DIP2C: variants seen among roughly 807,000 people sequenced by gnomAD.
The protein encoded by DIP2C is disco-interacting protein 2 homolog C.
A neutral mutation model predicts 192.4 loss-of-function variants in DIP2C; 33 were observed. The ratio of observed to expected loss-of-function variants is 0.17; its 90% CI spans 0.13 to 0.23. The LOEUF is 0.23. Among genes scored for constraint, DIP2C ranks in the 10% least tolerant of loss-of-function variants. DIP2C has a pLI of 1.00. For missense variants in DIP2C, 1,537 were observed against 2,110.1 expected, an observed-to-expected ratio of 0.73 and a Z score of 5.32; for synonymous variants, 979 against 864.1, an observed-to-expected ratio of 1.13 and a Z score of -2.33.
chr10:440,410 T>C (rs1967634798), intron 4 of DIP2C, among the ~76,000 whole-genome samples: 1 of 152,214 alleles, frequency 6.6e-6, no homozygotes, highest in Non-Finnish European at 1.5e-5. Context: ...ATCTGGCAAC[T>C]TGCAGGCAAA....
chr10:393,202 C>G (rs1396594773), intron 10 of DIP2C, among the ~76,000 whole-genome samples: 1 of 152,230 alleles, frequency 6.6e-6, no homozygotes, highest in African/African-American at 2.4e-5. Flanking sequence ...AAACTAGGTT[C>G]TCATCAGGGT....
intron 1 of DIP2C, among the ~76,000 whole-genome samples, chr10:506,689 C>T (rs1465970519): frequency 6.6e-6 from 1 of 152,252 alleles, no homozygotes; most frequent in African/African-American, 2.4e-5. Flanking sequence ...TCCCCCAACA[C>T]ACAGTGGCCT....
In DIP2C at chr10:417,823, C is replaced by T. The variant is rs1238570333; in HGVS notation, c.739+1242G>A. 4.1e-3 allele frequency among the ~76,000 whole-genome samples: 145 copies of T among 35,364 alleles called. 19 individuals are homozygous for T. Among genetic ancestry groups the T allele is most frequent in the Admixed American group, 7.1e-3 (24 of 3,398 alleles). The allele number at this position is 35,364 out of a possible 152,430, so 23.2% of individuals were successfully genotyped here. A position where few individuals can be genotyped will look rare whatever the true frequency, so the allele number is the denominator to read the frequency against. ...CTGTCCACCTGTTCCTGTCAGGGCG[C>T]GGACAGGCCTCCCTGTCCACCTGCA... On this transcript the variant is annotated intron_variant, in intron 6 of 36. Coordinates refer to ENST00000280886, the MANE Select transcript of DIP2C (RefSeq NM_014974.3).
At chr10:498,792 C>A (rs1278143842) in intron 1 of DIP2C, among the ~76,000 whole-genome samples, 1 of 152,178 alleles carries the variant, frequency 6.6e-6, no homozygotes. Flanking sequence ...CCCAGTAACA[C>A]CCCAGGCCTG....
intron 7 of DIP2C, among the ~76,000 whole-genome samples, chr10:414,757 A>ATATATAT (rs60489200): frequency 1.6e-3 from 111 of 69,554 alleles, no homozygotes; most frequent in Non-Finnish European, 2.7e-3. Flanking sequence ...ATATATATAT[A>ATATATAT]ATGTGTATAT....
chr10:575,616 A>T (rs576313772), intron 1 of DIP2C, among the ~76,000 whole-genome samples: 1 of 152,338 alleles, frequency 6.6e-6, no homozygotes, highest in East Asian at 1.9e-4. Flanking sequence ...AAACCCAGAA[A>T]AGAACACAAG....
At chr10:293,272 C>G (rs1955582071) in intron 32 of DIP2C, among the ~76,000 whole-genome samples, 1 of 152,236 alleles carries the variant, frequency 6.6e-6, no homozygotes, top group Middle Eastern at 3.2e-3. Context: ...GCAGACGGAG[C>G]TGGTGCTGTC....
chr10:543,547 C>T (rs1305516268), intron 1 of DIP2C, among the ~76,000 whole-genome samples: 1 of 152,148 alleles, frequency 6.6e-6, no homozygotes, highest in Non-Finnish European at 1.5e-5. Context: ...ACGGTTGTTA[C>T]GTGAGATAGA....
chr10:383,218 C>T (rs1468272686), intron 16 of DIP2C, among the ~76,000 whole-genome samples: 1 of 152,186 alleles, frequency 6.6e-6, no homozygotes, highest in African/African-American at 2.4e-5. Context: ...TGGGTTAAAA[C>T]CAATTGTTCA....
intron 10 of DIP2C, among the ~76,000 whole-genome samples, chr10:392,867 ACACT>A (rs1426420952): frequency 1.4e-5 from 2 of 143,982 alleles, no homozygotes; most frequent in African/African-American, 2.6e-5. Context: ...CAATACACAG[ACACT>A]CAACACTCAC....
chr10:618,105 T>C (rs779098146), intron 1 of DIP2C, among the ~76,000 whole-genome samples: 4 of 152,240 alleles, frequency 2.6e-5, no homozygotes, highest in Admixed American at 2.6e-4. Flanking sequence ...GCACATAAAA[T>C]GCTAAAAACC....
intron 3 of DIP2C, among the ~76,000 whole-genome samples, chr10:470,137 T>C (rs79368387): frequency 0.011 from 1,604 of 151,774 alleles, 30 homozygotes; most frequent in African/African-American, 0.037. Flanking sequence ...TGCAGAGAGG[T>C]TGATAAATGG....
In DIP2C at chr10:327,060, C is replaced by T. The variant is rs145913110; in HGVS notation, c.3870G>A (p.Pro1290=). Residue 1290 remains proline (P), a synonymous_variant, in exon 31 of 37, where the codon CCG becomes CCA. Coordinates refer to ENST00000280886, the MANE Select transcript of DIP2C (RefSeq NM_014974.3). ...SKLFKDLGLH[P]RAVSTSFGCR... The stretch of plus-strand genomic sequence containing the variant: ...AACCGAACGAGGTGCTGACGGCCCG[C>T]GGGTGAAGGCCCAGGTCCTTAAACA... The T allele has an allele frequency of 2.9e-4, 461 of 1,614,166 alleles. No homozygotes were observed. Among genetic ancestry groups the T allele is most frequent in the Non-Finnish European group, 3.5e-4 (410 of 1,180,044 alleles).
At chr10:485,015 G>C in intron 2 of DIP2C, 1 of 1,499,084 alleles carries the variant, frequency 6.7e-7, no homozygotes, top group South Asian at 1.3e-5. Flanking sequence ...TTACAGCGCT[G>C]AGCAGAGCTG....
chr10:383,662 T>TA lies in DIP2C; in HGVS notation c.1876+364dup, dbSNP rs563405602. Among the ~76,000 whole-genome samples, 312 of 152,278 alleles carry TA rather than the reference T, an allele frequency of 2.0e-3. 1 individual carries two copies. Among genetic ancestry groups the TA allele is most frequent in the Middle Eastern group, 0.014 (4 of 294 alleles). On this transcript the variant is annotated intron_variant, in intron 16 of 36. Coordinates refer to ENST00000280886, the MANE Select transcript of DIP2C (RefSeq NM_014974.3). ...ATTTCCTTATTACCTGCTTAGGGCT[T>TA]ACTTCACTTCATCCTCATGAAAATT...
chr10:381,760 T>G (rs887095844), intron 17 of DIP2C, among the ~76,000 whole-genome samples: 3 of 152,180 alleles, frequency 2.0e-5, no homozygotes, highest in Non-Finnish European at 4.4e-5. Context: ...GCAGGTCTCC[T>G]GCACTCACTC....
At chr10:571,744 G>A (rs964496153) in intron 1 of DIP2C, among the ~76,000 whole-genome samples, 2 of 152,172 alleles carry the variant, frequency 1.3e-5, no homozygotes, top group East Asian at 1.9e-4. Context: ...GTGTCCTCAC[G>A]GCGCTGGTGC....
At chr10:613,131 C>T (rs933601278) in intron 1 of DIP2C, among the ~76,000 whole-genome samples, 1 of 152,158 alleles carries the variant, frequency 6.6e-6, no homozygotes, top group African/African-American at 2.4e-5. Flanking sequence ...CTGCAAAAAA[C>T]AGTCACTCAT....
chr10:283,415 C>G lies in DIP2C; in HGVS notation c.4151G>C (p.Gly1384Ala). ...IWVHSAHNAS[G>A]YFTIYGDESL... ...TTCGTCTCCGTAAATAGTGAAATAACCGCTGGCATTGTGGGCACTGTGAAC... is the reference window on the plus strand; with the variant it reads ...TTCGTCTCCGTAAATAGTGAAATAAGCGCTGGCATTGTGGGCACTGTGAAC... Residue 1384 changes from glycine (G) to alanine (A), a missense_variant, in exon 35 of 37, where the codon GGT becomes GCT. Physicochemically the swap from Gly to Ala is moderately conservative, Grantham distance 60. Transcript: ENST00000280886. The G allele has an allele frequency of 6.2e-7, 1 of 1,614,196 alleles. No homozygotes were observed. The highest frequency in any genetic ancestry group is 8.5e-7 in the Non-Finnish European group (1 of 1,180,042).
Sources: allele counts gnomAD v4.1 joint callset (sites outside exome capture counted in the v4.1 genomes callset), GRCh38; gene constraint gnomAD v4.1.1; transcripts MANE v1.5; gene names NCBI Gene and HGNC (gene_info 2026-07-23, HGNC 2026-07-21).